Variants in BBX observed in about 807,000 individuals in gnomAD.
The protein encoded by BBX is BBX high mobility group box domain containing, also known as HMG box transcription factor BBX.
BBX carries 30 observed loss-of-function variants against 100.2 expected under a neutral mutation model. The observed-to-expected ratio is 0.30, with a 90% CI of 0.22 to 0.41. BBX has a LOEUF of 0.41. Ranked by LOEUF, BBX falls within the 10% of genes least tolerant of loss-of-function variation. The pLI is 1.00. For synonymous variants in BBX, 376 were observed against 388.1 expected (o/e 0.97, Z 0.37); for missense variants, 1,023 against 1,129.8 (o/e 0.91, Z 1.35).
intron 2 of BBX, among the ~76,000 whole-genome samples, chr3:107,623,072 A>C (rs1018886824): frequency 6.6e-6 from 1 of 152,158 alleles, no homozygotes; most frequent in Admixed American, 6.5e-5. Context: ...TTCATAAATA[A>C]CTTGAAGGAA....
At chr3:107,524,906 G>A (rs1455584275) in intron 1 of BBX, among the ~76,000 whole-genome samples, 1 of 151,596 alleles carries the variant, frequency 6.6e-6, no homozygotes, top group Non-Finnish European at 1.5e-5. Flanking sequence ...TGAAACCATT[G>A]CCTGTCCTGC....
chr3:107,782,663 T>G (rs2068016218), intron 13 of BBX, among the ~76,000 whole-genome samples: 1 of 152,100 alleles, frequency 6.6e-6, no homozygotes. Context: ...TTATTGTCAG[T>G]GTCCTTCTGG....
At position 107,672,511 on chromosome 3, in the gene BBX, C is replaced by A. The variant is rs142457773; in HGVS notation, c.-10+26602C>A. 6.8e-4 allele frequency among the ~76,000 whole-genome samples: 103 copies of A among 151,964 alleles called. 1 individual carries two copies. The East Asian group carries it at 0.015, about 23-fold the overall frequency. ...TATTTTTGAAGCTGTGTTGTACTAT[C>A]GCCAGTTCCTCAAGATAACATCTCC... is the stretch of plus-strand genomic sequence containing the variant. On this transcript the variant is annotated intron_variant, in intron 3 of 17. Coordinates refer to ENST00000325805, the MANE Select transcript of BBX (RefSeq NM_001142568.3).
At chr3:107,801,680 A>T (rs1267845321) in intron 17 of BBX, among the ~76,000 whole-genome samples, 2 of 152,056 alleles carry the variant, frequency 1.3e-5, no homozygotes, top group African/African-American at 4.8e-5. Context: ...CTAAAAAAAC[A>T]GGGGCAGGTG....
chr3:107,629,023 G>A (rs907905717), intron 2 of BBX, among the ~76,000 whole-genome samples: 6 of 151,952 alleles, frequency 3.9e-5, no homozygotes, highest in African/African-American at 1.5e-4. Flanking sequence ...CTTTTTAAAT[G>A]TTTGAGCTGA....
chr3:107,526,599 A>T (rs933827607), intron 2 of BBX: 2 of 374,420 alleles, frequency 5.3e-6, no homozygotes, highest in East Asian at 3.9e-5. Context: ...AAGATAGTAA[A>T]TATTCATTTT....
At chr3:107,611,194 C>T (rs1042944392) in intron 2 of BBX, among the ~76,000 whole-genome samples, 8 of 152,050 alleles carry the variant, frequency 5.3e-5, no homozygotes, top group South Asian at 2.1e-4. Context: ...TCTTATTGTA[C>T]GATGCATGTC....
intron 2 of BBX, among the ~76,000 whole-genome samples, chr3:107,609,712 G>A (rs555854222): frequency 6.6e-5 from 10 of 151,730 alleles, no homozygotes; most frequent in East Asian, 1.9e-4. Flanking sequence ...GAATTTCTGC[G>A]GTGTTGGTTG....
At chr3:107,636,211 T>TA (rs2056842879) in intron 2 of BBX, among the ~76,000 whole-genome samples, 1 of 152,168 alleles carries the variant, frequency 6.6e-6, no homozygotes, top group Non-Finnish European at 1.5e-5. Context: ...GATATTTCTA[T>TA]ACCTGAAACT....
intron 7 of BBX, among the ~76,000 whole-genome samples, chr3:107,735,602 T>C (rs1415263056): frequency 6.6e-6 from 1 of 152,002 alleles, no homozygotes; most frequent in Non-Finnish European, 1.5e-5. Context: ...AATATGAAAA[T>C]TTTAACATAG....
chr3:107,536,704 C>A (rs958355032), intron 2 of BBX, among the ~76,000 whole-genome samples: 4 of 152,058 alleles, frequency 2.6e-5, no homozygotes, highest in African/African-American at 9.7e-5. Flanking sequence ...GCTAGGGTAG[C>A]AGAAACTATA....
chr3:107,605,089 A>G (rs1427294582), intron 2 of BBX, among the ~76,000 whole-genome samples: 2 of 152,306 alleles, frequency 1.3e-5, no homozygotes, highest in Non-Finnish European at 1.5e-5. Context: ...CATGATAACC[A>G]TTGCATTCTC....
chr3:107,542,024 T>C (rs2048901774), intron 2 of BBX, among the ~76,000 whole-genome samples: 1 of 152,144 alleles, frequency 6.6e-6, no homozygotes, highest in African/African-American at 2.4e-5. Context: ...AGTTTGGCAC[T>C]CCGTAGTAAA....
intron 10 of BBX, among the ~76,000 whole-genome samples, chr3:107,764,887 A>AC (rs2066250218): frequency 6.6e-6 from 1 of 152,222 alleles, no homozygotes; most frequent in Non-Finnish European, 1.5e-5. Flanking sequence ...ACATCCATGC[A>AC]TACATTTGTA....
intron 2 of BBX, among the ~76,000 whole-genome samples, chr3:107,615,733 C>T (rs893542290): frequency 5.3e-5 from 8 of 152,136 alleles, no homozygotes; most frequent in African/African-American, 1.4e-4. Flanking sequence ...TTTCAATGAT[C>T]GAGCTTGAAA....
intron 15 of BBX, among the ~76,000 whole-genome samples, chr3:107,797,280 C>T (rs1188078122): frequency 7.3e-6 from 1 of 136,662 alleles, no homozygotes; most frequent in Non-Finnish European, 1.5e-5. Context: ...CATTTTTTCA[C>T]ACCCTGAGTT....
At chr3:107,607,447 C>T (rs1439712102) in intron 2 of BBX, among the ~76,000 whole-genome samples, 2 of 152,112 alleles carry the variant, frequency 1.3e-5, no homozygotes, top group Non-Finnish European at 2.9e-5. Context: ...TTTCTTTGTT[C>T]ATTCATCTGT....
At chr3:107,737,902 T>TTTTTTTG (rs2063765963) in intron 7 of BBX, among the ~76,000 whole-genome samples, 1 of 143,036 alleles carries the variant, frequency 7.0e-6, no homozygotes, top group African/African-American at 2.6e-5. Flanking sequence ...TTTTTTTTTT[T>TTTTTTTG]TTTTTTTTTT....
At chr3:107,638,119 A>G (rs1303653124) in intron 2 of BBX, among the ~76,000 whole-genome samples, 1 of 152,026 alleles carries the variant, frequency 6.6e-6, no homozygotes, top group Non-Finnish European at 1.5e-5. Context: ...GTCTCACTGT[A>G]TTGCCTAGGC....
Sources: gnomAD v4.1 joint callset for allele counts (sites outside exome capture counted in the v4.1 genomes callset) on GRCh38, gnomAD v4.1.1 for gene constraint, MANE v1.5 for transcripts, NCBI Gene and HGNC (gene_info 2026-07-23, HGNC 2026-07-21) for gene names.